Variants in CEP128 observed in about 807,000 individuals in gnomAD.
The protein encoded by CEP128 is centrosomal protein 128, also known as centrosomal protein 128kDa.
In CEP128, 132 loss-of-function variants were observed where a neutral mutation model predicts 156.7. The ratio of observed to expected loss-of-function variants is 0.84; its 90% CI spans 0.73 to 0.97. The LOEUF (loss-of-function observed/expected upper bound fraction) is 0.97, where lower values mean the gene tolerates loss of function less well. Among genes scored for constraint, CEP128 ranks in the 50% least tolerant of loss-of-function variants. The pLI, the probability that CEP128 is intolerant of heterozygous loss-of-function variation, is 0.00. For synonymous variants in CEP128, 469 were observed against 448.9 expected (o/e 1.04, Z -0.57); for missense variants, 1,252 against 1,281.9 (o/e 0.98, Z 0.36).
intron 8 of CEP128, among the ~76,000 whole-genome samples, chr14:80,870,063 T>C (rs1162175991): frequency 2.0e-5 from 3 of 150,950 alleles, no homozygotes; most frequent in Non-Finnish European, 4.4e-5. Context: ...AAACAGAAAA[T>C]CCAAACAAAC....
chr14:80,777,778 C>A, intron 16 of CEP128, 104 bp downstream of exon 16: 1 of 911,622 alleles, frequency 1.1e-6, no homozygotes, highest in Non-Finnish European at 1.6e-6. Flanking sequence ...ATACAACTTC[C>A]CTGTGAAGGA....
intron 8 of CEP128, among the ~76,000 whole-genome samples, chr14:80,879,130 A>T (rs1888414194): frequency 6.6e-6 from 1 of 152,160 alleles, no homozygotes. Context: ...CACTGCACTA[A>T]CAAAGAAGCA....
At chr14:80,896,687 T>C (rs1889364513) in intron 7 of CEP128, among the ~76,000 whole-genome samples, 1 of 152,176 alleles carries the variant, frequency 6.6e-6, no homozygotes, top group Non-Finnish European at 1.5e-5. Context: ...ATCATAACTT[T>C]CCCGTGTTCT....
intron 19 of CEP128, among the ~76,000 whole-genome samples, chr14:80,629,044 C>A (rs570437761): frequency 1.0e-5 from 1 of 96,018 alleles, no homozygotes; most frequent in Admixed American, 1.3e-4. Flanking sequence ...TAAACTCAAG[C>A]CTGTTTAAGA....
chr14:80,755,501 C>A (rs1254317955), intron 18 of CEP128, among the ~76,000 whole-genome samples: 3 of 152,196 alleles, frequency 2.0e-5, no homozygotes, highest in African/African-American at 7.2e-5. Context: ...CCAGTGCCAA[C>A]AAAGCAACTG....
chr14:80,715,935 T>G (rs1007279434), intron 19 of CEP128, among the ~76,000 whole-genome samples: 1 of 152,210 alleles, frequency 6.6e-6, no homozygotes, highest in Non-Finnish European at 1.5e-5. Flanking sequence ...AACCACTTTT[T>G]CATTAGCATT....
chr14:80,634,573 G>A (rs570713510), intron 19 of CEP128, among the ~76,000 whole-genome samples: 1 of 152,248 alleles, frequency 6.6e-6, no homozygotes, highest in East Asian at 1.9e-4. Flanking sequence ...TTTCCAGGTT[G>A]TATAAATAAG....
At chr14:80,625,767 TCTC>T (rs1302746540) in intron 19 of CEP128, among the ~76,000 whole-genome samples, 1 of 151,566 alleles carries the variant, frequency 6.6e-6, no homozygotes, top group African/African-American at 2.4e-5. Flanking sequence ...TTTCTTTCCC[TCTC>T]CTTCCTCTCT....
chr14:80,539,544 A>G (rs8020974), intron 21 of CEP128, among the ~76,000 whole-genome samples: 1,944 of 152,318 alleles, frequency 0.013, 46 homozygotes, highest in African/African-American at 0.045. Flanking sequence ...GATGTACGTC[A>G]CCACAGGACC....
At chr14:80,878,034 A>G (rs562241545) in intron 8 of CEP128, among the ~76,000 whole-genome samples, 1 of 152,238 alleles carries the variant, frequency 6.6e-6, no homozygotes, top group South Asian at 2.1e-4. Flanking sequence ...TCTGTCACAC[A>G]GGGACCTCTG....
intron 19 of CEP128, among the ~76,000 whole-genome samples, chr14:80,681,911 C>T (rs1896339490): frequency 1.3e-5 from 2 of 152,076 alleles, no homozygotes; most frequent in African/African-American, 4.8e-5. Context: ...TGAGACCAGT[C>T]TGGGCAACAT....
At chr14:80,527,046 AG>A in intron 22 of CEP128, 64 bp from the exon 23 acceptor site, 1 of 739,414 alleles carries the variant, frequency 1.4e-6, no homozygotes, top group East Asian at 2.5e-5. Flanking sequence ...GCTTGAAATT[AG>A]AGTAAGAAAG....
At chr14:80,844,262 T>G (rs1250407252) in intron 9 of CEP128, among the ~76,000 whole-genome samples, 1 of 151,914 alleles carries the variant, frequency 6.6e-6, no homozygotes, top group African/African-American at 2.4e-5. Flanking sequence ...AATAGCTAGG[T>G]GGGTATTACT....
intron 18 of CEP128, among the ~76,000 whole-genome samples, chr14:80,746,812 G>A (rs1253734034): frequency 6.6e-6 from 1 of 152,200 alleles, no homozygotes. Context: ...AACCTGCTAA[G>A]TGGCAGAAAA....
chr14:80,532,109 G>T (rs1295113643), intron 21 of CEP128, among the ~76,000 whole-genome samples: 1 of 152,140 alleles, frequency 6.6e-6, no homozygotes, highest in African/African-American at 2.4e-5. Flanking sequence ...CCTACCCTGA[G>T]AATTAAATAA....
intron 18 of CEP128, among the ~76,000 whole-genome samples, chr14:80,744,732 AG>A (rs1899011702): frequency 1.3e-5 from 2 of 152,172 alleles, no homozygotes; most frequent in South Asian, 4.1e-4. Context: ...CTGGATGGGC[AG>A]ATCACCAGGA....
chr14:80,720,285 A>C (rs1438907192), intron 19 of CEP128, among the ~76,000 whole-genome samples: 1 of 152,208 alleles, frequency 6.6e-6, no homozygotes, highest in African/African-American at 2.4e-5. Flanking sequence ...ATTGCTAATC[A>C]TGGTAAAAAA....
intron 21 of CEP128, among the ~76,000 whole-genome samples, chr14:80,536,974 A>C (rs540688207): frequency 6.6e-5 from 10 of 152,350 alleles, no homozygotes; most frequent in Non-Finnish European, 1.3e-4. Flanking sequence ...CTATGACATC[A>C]GTGTCTACAT....
chr14:80,623,076 C>T lies in CEP128; in HGVS notation c.2807-42653G>A, dbSNP rs972219223. On this transcript the variant is annotated intron_variant, in intron 19 of 24. Coordinates refer to ENST00000555265, the MANE Select transcript of CEP128 (RefSeq NM_152446.5). ...AACCAATCCAAATGTCCAACAATGA[C>T]AGACTGGATTAAGAAAATGTGGCAC... Among the ~76,000 whole-genome samples, 252 of 152,098 alleles carry T rather than the reference C, an allele frequency of 1.7e-3. 1 individual carries two copies. Among genetic ancestry groups the T allele is most frequent in the African/African-American group, 5.7e-3 (238 of 41,466 alleles).
Sources: gnomAD v4.1 joint callset for allele counts (sites outside exome capture counted in the v4.1 genomes callset) on GRCh38, gnomAD v4.1.1 for gene constraint, MANE v1.5 for transcripts, NCBI Gene and HGNC (gene_info 2026-07-23, HGNC 2026-07-21) for gene names.